MAP3K7CL: variants seen among roughly 807,000 people sequenced by gnomAD.
MAP3K7CL encodes the protein MAP3K7 C-terminal like, also known as MAP3K7 C-terminal-like protein.
In MAP3K7CL, 16 loss-of-function variants were observed where a neutral mutation model predicts 18.6. That is an observed-to-expected ratio of 0.86 (90% CI 0.58 to 1.31). The LOEUF (loss-of-function observed/expected upper bound fraction) is 1.31. Among genes scored for constraint, MAP3K7CL ranks in the 50% most tolerant of loss-of-function variants. The probability of loss-of-function intolerance (pLI) is 0.00; values close to 1 mark genes in which losing one functional copy is unlikely to be tolerated. For missense variants in MAP3K7CL, 163 were observed against 174.4 expected (o/e 0.93, Z 0.37); for synonymous variants, 65 against 66.8 (o/e 0.97, Z 0.13).
At chr21:29,118,906 T>A (rs9983651) in intron 4 of MAP3K7CL, among the ~76,000 whole-genome samples, 72,406 of 152,156 alleles carry the variant, frequency 0.48, 17,568 homozygotes, top group East Asian at 0.67. Context: ...ATTACAAAAA[T>A]CCCAAGAGGG....
chr21:29,159,791 TG>T (rs1181729584), intron 3 of MAP3K7CL, 149 bp from the exon 4 acceptor site: 5 of 600,736 alleles, frequency 8.3e-6, no homozygotes, highest in Non-Finnish European at 1.5e-5. Flanking sequence ...AGCTGAACTC[TG>T]TTGAATGTTG....
At position 29,160,021 on chromosome 21, in the gene MAP3K7CL, G is replaced by T. The variant is rs963006634; in HGVS notation, c.213G>T (p.Glu71Asp). Residue 71 changes from glutamate (E) to aspartate (D), a missense_variant, in exon 4 of 5, where the codon GAG becomes GAT. Transcript: ENST00000399928. ...QHCQIAEEYHEVKKEITLLEQ... is the reference protein window; with the variant it reads ...QHCQIAEEYHDVKKEITLLEQ... ...GCCAAATAGCAGAAGAATACCATGA[G>T]GTCAAAAAGGAAATCACCCTGCTTG... The T allele has an allele frequency of 1.9e-6, 3 of 1,613,878 alleles. No homozygotes were observed. The highest frequency in any genetic ancestry group is 2.5e-6 in the Non-Finnish European group (3 of 1,179,918).
chr21:29,162,982 G>A (rs1449566308), intron 4 of MAP3K7CL, among the ~76,000 whole-genome samples: 2 of 152,064 alleles, frequency 1.3e-5, no homozygotes, highest in African/African-American at 4.8e-5. Context: ...TAGATAGCAC[G>A]TGCCTGTAAT....
At chr21:29,085,974 T>G (rs1385972361) in intron 1 of MAP3K7CL, 2 of 1,588,350 alleles carry the variant, frequency 1.3e-6, no homozygotes, top group Admixed American at 3.3e-5. Flanking sequence ...AATCCTGTTT[T>G]CAGTGAAAAC....
At chr21:29,148,843 C>A (rs967953302) in intron 2 of MAP3K7CL, among the ~76,000 whole-genome samples, 14 of 152,202 alleles carry the variant, frequency 9.2e-5, no homozygotes, top group African/African-American at 3.4e-4. Flanking sequence ...TTCTGGCCAC[C>A]TCATTAGCAC....
At chr21:29,126,241 G>T (rs2086679620), upstream of MAP3K7CL, among the ~76,000 whole-genome samples, 1 of 152,200 alleles carries the variant, frequency 6.6e-6, no homozygotes, top group South Asian at 2.1e-4. Flanking sequence ...ATAGTCTGCA[G>T]GCCAAATCCA....
rs1399158282 is a variant in MAP3K7CL, at chr21:29,120,692, GTTTC to G, written c.370+28120_370+28123del. On this transcript the variant is annotated intron_variant, in intron 4 of 6. Coordinates refer to the MAP3K7CL transcript ENST00000286791. ...TCTTTTTCTTTCTTTCTTTCTTTCT[GTTTC>G]TTTCTTTCCTTTCTCTCCTTCTCTC... 5.4e-4 allele frequency among the ~76,000 whole-genome samples: 79 copies of G among 146,082 alleles called. 1 individual carries two copies. The highest frequency in any genetic ancestry group is 1.6e-3 in the African/African-American group (65 of 39,722).
At chr21:29,155,456 T>C (rs2832222) in intron 3 of MAP3K7CL, among the ~76,000 whole-genome samples, 75,140 of 151,992 alleles carry the variant, frequency 0.49, 19,905 homozygotes, top group African/African-American at 0.71. Context: ...TGCTCCTAGC[T>C]GAGGGTGGCT....
At chr21:29,127,889 T>A (rs2086706757), upstream of MAP3K7CL, 1 of 152,262 alleles carries the variant, frequency 6.6e-6, no homozygotes, top group Non-Finnish European at 1.5e-5. Flanking sequence ...ATTTCCGTTG[T>A]GTTTAATATG....
intron 4 of MAP3K7CL, among the ~76,000 whole-genome samples, chr21:29,104,899 G>A (rs2086293809): frequency 6.6e-6 from 1 of 152,094 alleles, no homozygotes; most frequent in Non-Finnish European, 1.5e-5. Context: ...GCCTAGCTTT[G>A]CCCCCACCAG....
intron 1 of MAP3K7CL, among the ~76,000 whole-genome samples, chr21:29,079,752 C>T (rs1290485591): frequency 6.6e-6 from 1 of 152,110 alleles, no homozygotes; most frequent in Non-Finnish European, 1.5e-5. Context: ...TTCAGAGTTT[C>T]AAGAATAGTC....
intron 1 of MAP3K7CL, among the ~76,000 whole-genome samples, chr21:29,088,614 T>C (rs561177357): frequency 1.3e-5 from 2 of 152,328 alleles, no homozygotes; most frequent in Non-Finnish European, 2.9e-5. Flanking sequence ...TCCATAACAC[T>C]AGTGCTGTAT....
intron 4 of MAP3K7CL, among the ~76,000 whole-genome samples, chr21:29,162,546 A>C (rs1047362048): frequency 6.6e-6 from 1 of 150,938 alleles, no homozygotes; most frequent in African/African-American, 2.4e-5. Context: ...AGCCTGGTGT[A>C]GTGGTGGGCG....
intron 4 of MAP3K7CL, among the ~76,000 whole-genome samples, chr21:29,101,954 T>C (rs1815243463): frequency 6.6e-6 from 1 of 152,228 alleles, no homozygotes; most frequent in South Asian, 2.1e-4. Context: ...AGGATTCTTA[T>C]GTACTCTCTG....
At position 29,111,971 on chromosome 21, in the gene MAP3K7CL, C is replaced by T. The variant is rs145575641; in HGVS notation, c.370+19390C>T. Among the ~76,000 whole-genome samples, 14 of 152,298 alleles carry T rather than the reference C, an allele frequency of 9.2e-5. No individual in the cohort carries two copies. The East Asian group carries it at 9.6e-4, about 10-fold the overall frequency. ...GTATTGCCTCCTCTCCAATCCTCCA[C>T]GTCCTTAAAGCTCTGTCTTCTTTCA... On this transcript the variant is annotated intron_variant, in intron 4 of 6. Transcript: ENST00000286791.
chr21:29,146,342 T>G (rs1252131337), intron 2 of MAP3K7CL, among the ~76,000 whole-genome samples: 1 of 152,204 alleles, frequency 6.6e-6, no homozygotes, highest in African/African-American at 2.4e-5. Context: ...ATGTCTAGGT[T>G]ATTAAACTTG....
At chr21:29,106,447 G>A (rs963813566) in intron 4 of MAP3K7CL, among the ~76,000 whole-genome samples, 1 of 152,124 alleles carries the variant, frequency 6.6e-6, no homozygotes, top group Non-Finnish European at 1.5e-5. Flanking sequence ...CAGTACTTCC[G>A]AAGAAAGAGG....
At chr21:29,160,637 C>T (rs560365904) in intron 4 of MAP3K7CL, among the ~76,000 whole-genome samples, 2 of 152,306 alleles carry the variant, frequency 1.3e-5, no homozygotes, top group South Asian at 4.1e-4. Context: ...TCCGCCAGTG[C>T]CTACCCCAGT....
At chr21:29,118,315 C>G (rs941624427) in intron 4 of MAP3K7CL, among the ~76,000 whole-genome samples, 1 of 144,652 alleles carries the variant, frequency 6.9e-6, no homozygotes, top group Non-Finnish European at 1.5e-5. Context: ...GAACTCCTGA[C>G]CTCAGGTGAT....
Sources: allele counts gnomAD v4.1 joint callset (sites outside exome capture counted in the v4.1 genomes callset), GRCh38; gene constraint gnomAD v4.1.1; transcripts MANE v1.5; gene names NCBI Gene and HGNC (gene_info 2026-07-23, HGNC 2026-07-21).